Variants in ASTN2 observed in about 807,000 individuals in gnomAD.
The protein encoded by ASTN2 is astrotactin 2.
Under a neutral mutation model 139.8 loss-of-function variants are expected in ASTN2, and 54 were observed. That is an observed-to-expected ratio of 0.39 (90% CI 0.31 to 0.48). The LOEUF (loss-of-function observed/expected upper bound fraction) is 0.48, where lower values mean the gene tolerates loss of function less well. Ranked by LOEUF, ASTN2 falls within the 20% of genes least tolerant of loss-of-function variation. ASTN2 has a pLI of 0.95. For missense variants in ASTN2, 1,565 were observed against 1,725.1 expected, an observed-to-expected ratio of 0.91 and a Z score of 1.64; for synonymous variants, 756 against 719.5, an observed-to-expected ratio of 1.05 and a Z score of -0.81.
intron 22 of ASTN2, among the ~76,000 whole-genome samples, chr9:116,432,245 A>G (rs997657646): frequency 1.3e-5 from 2 of 152,226 alleles, no homozygotes; most frequent in African/African-American, 2.4e-5. Context: ...TTTCATCTTC[A>G]GGAAGTCTTC....
At chr9:116,756,378 C>T (rs1390941348) in intron 13 of ASTN2, among the ~76,000 whole-genome samples, 4 of 152,098 alleles carry the variant, frequency 2.6e-5, no homozygotes, top group African/African-American at 9.7e-5. Flanking sequence ...AAATTATCAA[C>T]CTTCTAAGGT....
chr9:116,660,448 C>G (rs1252294263), intron 16 of ASTN2, among the ~76,000 whole-genome samples: 2 of 152,208 alleles, frequency 1.3e-5, no homozygotes, highest in Non-Finnish European at 2.9e-5. Flanking sequence ...CTTAACCTCT[C>G]TAAGCCTCCA....
At chr9:116,712,701 C>T (rs900188147) in intron 16 of ASTN2, among the ~76,000 whole-genome samples, 1 of 152,178 alleles carries the variant, frequency 6.6e-6, no homozygotes, top group South Asian at 2.1e-4. Context: ...ATCTTCTCAA[C>T]TGTAAAATAA....
chr9:117,163,173 C>T (rs974356177), intron 3 of ASTN2, among the ~76,000 whole-genome samples: 7 of 152,100 alleles, frequency 4.6e-5, no homozygotes, highest in African/African-American at 1.4e-4. Flanking sequence ...CAAGTTTCAC[C>T]TGCCTTCCTC....
At chr9:116,662,495 C>T (rs1858622162) in intron 16 of ASTN2, among the ~76,000 whole-genome samples, 1 of 151,952 alleles carries the variant, frequency 6.6e-6, no homozygotes, top group South Asian at 2.1e-4. Flanking sequence ...ATCACTTCAA[C>T]CTGGGAGGCA....
At chr9:116,827,890 C>T (rs1038191132) in intron 11 of ASTN2, among the ~76,000 whole-genome samples, 3 of 151,706 alleles carry the variant, frequency 2.0e-5, no homozygotes, top group Non-Finnish European at 4.4e-5. Context: ...CTCATTCTAT[C>T]AGGCCAGTAT....
At chr9:116,643,804 A>G (rs1857457582) in intron 17 of ASTN2, among the ~76,000 whole-genome samples, 1 of 152,112 alleles carries the variant, frequency 6.6e-6, no homozygotes, top group Non-Finnish European at 1.5e-5. Flanking sequence ...TTGTTTCCAG[A>G]TTCTCCCTCT....
At position 117,339,907 on chromosome 9, in the gene ASTN2, A is replaced by C. The variant is rs554323059; in HGVS notation, c.443-48394T>G. On this transcript the variant is annotated intron_variant, in intron 1 of 22. Coordinates refer to ENST00000313400, the MANE Select transcript of ASTN2 (RefSeq NM_001365068.1). Reference sequence around the variant, plus strand: ...TAAGCCAGGAAATAGTCTCTTTTACAAAAAAAAAAAAAAAAAATTTAAAGA... The same window carrying C: ...TAAGCCAGGAAATAGTCTCTTTTACCAAAAAAAAAAAAAAAAATTTAAAGA... 5.7e-3 allele frequency among the ~76,000 whole-genome samples: 581 copies of C among 101,924 alleles called. 4 individuals carry two copies. The highest frequency in any genetic ancestry group is 0.017 in the African/African-American group (522 of 31,424). The allele number at this position is 101,924 out of a possible 152,430, so 66.9% of individuals were successfully genotyped here. A position where few individuals can be genotyped will look rare whatever the true frequency, so the allele number is the denominator to read the frequency against.
At chr9:117,352,219 G>A (rs1331519499) in intron 1 of ASTN2, among the ~76,000 whole-genome samples, 2 of 152,082 alleles carry the variant, frequency 1.3e-5, no homozygotes, top group Non-Finnish European at 2.9e-5. Context: ...CCCAAGAAAC[G>A]CTATTCAAGG....
At chr9:117,045,991 C>CGTAT (rs57186974) in intron 5 of ASTN2, among the ~76,000 whole-genome samples, 2,170 of 142,864 alleles carry the variant, frequency 0.015, 47 homozygotes, top group African/African-American at 0.051. Context: ...TACGTACGTA[C>CGTAT]GTATGTATGT....
At chr9:116,911,701 G>A (rs747533112) in intron 10 of ASTN2, among the ~76,000 whole-genome samples, 38 of 152,132 alleles carry the variant, frequency 2.5e-4, no homozygotes, top group Middle Eastern at 3.2e-3. Flanking sequence ...TCAGGAGATC[G>A]AGAACATCCT....
chr9:117,058,327 G>A (rs2132679957), intron 5 of ASTN2, among the ~76,000 whole-genome samples: 1 of 152,232 alleles, frequency 6.6e-6, no homozygotes. Flanking sequence ...AACAAGATGG[G>A]CAAGAGTTTC....
chr9:116,508,517 C>T (rs930672403), intron 19 of ASTN2, among the ~76,000 whole-genome samples: 13 of 152,038 alleles, frequency 8.6e-5, no homozygotes, highest in Admixed American at 7.9e-4. Flanking sequence ...AGAGGCCTGC[C>T]ATTTGGGAAG....
chr9:117,121,570 C>T (rs1030523893), intron 4 of ASTN2, among the ~76,000 whole-genome samples: 1 of 152,180 alleles, frequency 6.6e-6, no homozygotes, highest in African/African-American at 2.4e-5. Context: ...AGTTGGATCA[C>T]AGAACAGGAA....
chr9:117,127,830 G>A (rs1829731891), intron 4 of ASTN2, among the ~76,000 whole-genome samples: 2 of 151,824 alleles, frequency 1.3e-5, no homozygotes, highest in Non-Finnish European at 2.9e-5. Context: ...ACACGTGCCC[G>A]CCACCACGCC....
chr9:117,393,567 C>T (rs1005448918), intron 1 of ASTN2, among the ~76,000 whole-genome samples: 4 of 152,138 alleles, frequency 2.6e-5, no homozygotes, highest in Non-Finnish European at 5.9e-5. Flanking sequence ...CATTCTCGTG[C>T]CATCACTCAC....
chr9:116,819,262 T>C (rs1157315867), intron 12 of ASTN2, among the ~76,000 whole-genome samples: 2 of 152,148 alleles, frequency 1.3e-5, no homozygotes. Flanking sequence ...GACAAGAACA[T>C]GGCTGATTCT....
At chr9:116,901,931 G>A (rs1834020408) in intron 10 of ASTN2, among the ~76,000 whole-genome samples, 1 of 152,118 alleles carries the variant, frequency 6.6e-6, no homozygotes, top group Non-Finnish European at 1.5e-5. Context: ...AGGAGGCTGA[G>A]GCAGAATTAC....
chr9:116,520,956 GA>G (rs1283195173), intron 19 of ASTN2, among the ~76,000 whole-genome samples: 1 of 152,046 alleles, frequency 6.6e-6, no homozygotes, highest in African/African-American at 2.4e-5. Context: ...CCAAGGATGT[GA>G]AAGACCTCTA....
Sources: gnomAD v4.1 joint callset for allele counts (sites outside exome capture counted in the v4.1 genomes callset) on GRCh38, gnomAD v4.1.1 for gene constraint, MANE v1.5 for transcripts, NCBI Gene and HGNC (gene_info 2026-07-23, HGNC 2026-07-21) for gene names.